Variants in FAM219A observed in about 807,000 individuals in gnomAD.
The protein encoded by FAM219A is family with sequence similarity 219 member A, also known as protein FAM219A.
FAM219A carries 7 observed loss-of-function variants against 23.4 expected under a neutral mutation model. The observed-to-expected ratio is 0.30, with a 90% CI of 0.17 to 0.56. The LOEUF (loss-of-function observed/expected upper bound fraction) is 0.56. FAM219A is among the 20% of genes least tolerant of loss of function. The probability of loss-of-function intolerance (pLI) is 0.92; values close to 1 mark genes in which losing one functional copy is unlikely to be tolerated. For synonymous variants in FAM219A, 93 were observed against 99.0 expected (o/e 0.94, Z 0.36); for missense variants, 166 against 246.9 (o/e 0.67, Z 2.20).
chr9:34,442,468 T>C (rs1823212911), intron 1 of FAM219A, among the ~76,000 whole-genome samples: 2 of 152,174 alleles, frequency 1.3e-5, no homozygotes, highest in Non-Finnish European at 2.9e-5. Flanking sequence ...GTGGATCACC[T>C]GAGGTCAGGG....
chr9:34,421,044 G>GAGAGAGAGAGAGAGAGAC lies in FAM219A; in HGVS notation c.61-15081_61-15080insGTCTCTCTCTCTCTCTCT, dbSNP rs770336544. ...AGAGAGAGAGAGAGAGAGAGAGAGA[G>GAGAGAGAGAGAGAGAGAC]AATGGCTCTGCTGAAACAAATTTTG... On this transcript the variant is annotated intron_variant, in intron 1 of 5. Transcript: ENST00000651358. 2.7e-3 allele frequency among the ~76,000 whole-genome samples: 402 copies of GAGAGAGAGAGAGAGAGAC among 146,814 alleles called. 7 individuals carry two copies. The highest frequency in any genetic ancestry group is 8.6e-3 in the African/African-American group (337 of 38,998).
At chr9:34,401,443 G>A (rs145269097) in intron 5 of FAM219A, among the ~76,000 whole-genome samples, 149 of 152,308 alleles carry the variant, frequency 9.8e-4, no homozygotes, top group African/African-American at 3.4e-3. Context: ...CTATTTAAAT[G>A]GCCTGCTGCA....
intron 1 of FAM219A, among the ~76,000 whole-genome samples, chr9:34,440,868 AT>A (rs913748128): frequency 6.6e-6 from 1 of 151,236 alleles, no homozygotes; most frequent in African/African-American, 2.4e-5. Flanking sequence ...AAAAAAAAAA[AT>A]TTTTAAAGAA....
At chr9:34,406,992 G>A (rs1387777529) in intron 1 of FAM219A, among the ~76,000 whole-genome samples, 3 of 151,854 alleles carry the variant, frequency 2.0e-5, no homozygotes, top group African/African-American at 7.3e-5. Context: ...TAGTAGAGAC[G>A]GGGTTTCACC....
Position 34,458,151 on chromosome 9 carries a change from C to G in FAM219A, c.60+53G>C. On this transcript the variant is annotated intron_variant, in intron 1 of 5. Coordinates refer to ENST00000651358, the MANE Select transcript of FAM219A (RefSeq NM_001184940.2). The surrounding 1 kb of genome is among the most constrained non-coding windows in gnomAD (Gnocchi z 6.6). ...CCCCCCGGCCTGATTCCCTCCCTCC[C>G]CCTCAAGCGACGCCCCCTCCGGCCT... 6.6e-7 allele frequency: 1 copy of G among 1,525,970 alleles called. No homozygotes were observed. Among genetic ancestry groups the G allele is most frequent in the African/African-American group, 1.4e-5 (1 of 72,374 alleles). 94.5% of individuals were successfully genotyped at this position (1,525,970 alleles called of 1,614,324 possible).
At chr9:34,402,300 C>T (rs1563996793) in intron 4 of FAM219A, 87 bp downstream of exon 4, 1 of 1,614,006 alleles carries the variant, frequency 6.2e-7, no homozygotes, top group Non-Finnish European at 8.5e-7. Context: ...CCAATTCTGA[C>T]AATATAGCAG....
chr9:34,444,639 T>C (rs747105500), intron 1 of FAM219A, among the ~76,000 whole-genome samples: 5 of 152,104 alleles, frequency 3.3e-5, no homozygotes, highest in Admixed American at 6.6e-5. Context: ...AGGGAGAAGA[T>C]GGGAAAAGGC....
At chr9:34,431,585 G>C in intron 1 of FAM219A, among the ~76,000 whole-genome samples, 1 of 152,122 alleles carries the variant, frequency 6.6e-6, no homozygotes, top group East Asian at 1.9e-4. Flanking sequence ...CTAAATCCAA[G>C]AGGAGAGAGC....
chr9:34,443,564 A>G (rs556075423), intron 1 of FAM219A, among the ~76,000 whole-genome samples: 63 of 152,220 alleles, frequency 4.1e-4, no homozygotes, highest in Non-Finnish European at 7.9e-4. Context: ...ATCAACCCTT[A>G]GACCAGAAAT....
intron 1 of FAM219A, among the ~76,000 whole-genome samples, chr9:34,439,529 T>C (rs1823083890): frequency 6.6e-6 from 1 of 152,012 alleles, no homozygotes; most frequent in African/African-American, 2.4e-5. Context: ...ATGTGAAAAG[T>C]GCAATAAGGG....
At chr9:34,442,621 G>T (rs1034581514) in intron 1 of FAM219A, among the ~76,000 whole-genome samples, 1 of 151,610 alleles carries the variant, frequency 6.6e-6, no homozygotes, top group African/African-American at 2.4e-5. Context: ...GGAGGCAAAG[G>T]TTGTAGTAGG....
intron 1 of FAM219A, among the ~76,000 whole-genome samples, chr9:34,416,357 T>C (rs1334032005): frequency 6.6e-6 from 1 of 151,056 alleles, no homozygotes; most frequent in East Asian, 2.0e-4. Flanking sequence ...AAAGAAACCC[T>C]AGTGTCTTCA....
intron 2 of FAM219A, 65 bp from the exon 3 acceptor site, chr9:34,402,872 G>T (rs1821501334): frequency 6.8e-7 from 1 of 1,477,364 alleles, no homozygotes; most frequent in Non-Finnish European, 9.3e-7. Flanking sequence ...TACTACTCAG[G>T]GCAGCCTGGG....
chr9:34,419,571 G>A (rs540947419), intron 1 of FAM219A, among the ~76,000 whole-genome samples: 2 of 152,262 alleles, frequency 1.3e-5, no homozygotes, highest in South Asian at 2.1e-4. Context: ...AAGACATGTG[G>A]TTGGAGACTC....
chr9:34,421,788 G>A (rs1451050220), intron 1 of FAM219A, among the ~76,000 whole-genome samples: 1 of 151,024 alleles, frequency 6.6e-6, no homozygotes, highest in African/African-American at 2.4e-5. Flanking sequence ...ACCCATCTGT[G>A]CCCCTAGGAC....
Position 34,457,415 on chromosome 9 carries a change from G to C in FAM219A, c.60+789C>G, listed in dbSNP as rs1349257527. The C allele has an allele frequency of 6.5e-6, 1 of 153,000 alleles. No homozygotes were observed. Among genetic ancestry groups the C allele is most frequent in the Admixed American group, 6.5e-5 (1 of 15,290 alleles). 9.5% of individuals were successfully genotyped at this position (153,000 alleles called of 1,614,324 possible). On this transcript the variant is annotated intron_variant, in intron 1 of 5. Coordinates refer to ENST00000651358, the MANE Select transcript of FAM219A (RefSeq NM_001184940.2). The surrounding 1 kb of genome is among the most constrained non-coding windows in gnomAD (Gnocchi z 5.1). ...GATGACATCATTCCTCCCTGACTCC[G>C]GGACCGCGGACAGGCGGCAGGATCC...
chr9:34,412,131 C>T (rs1273550547), intron 1 of FAM219A, among the ~76,000 whole-genome samples: 1 of 151,992 alleles, frequency 6.6e-6, no homozygotes, highest in Non-Finnish European at 1.5e-5. Flanking sequence ...TGGAAAAGGA[C>T]CCTCCGATAG....
chr9:34,407,275 A>G (rs1375206970), intron 1 of FAM219A, among the ~76,000 whole-genome samples: 1 of 152,140 alleles, frequency 6.6e-6, no homozygotes, highest in Non-Finnish European at 1.5e-5. Context: ...CCCTTTAATA[A>G]GAGTAGATTC....
rs773312552 is a variant in FAM219A, at chr9:34,458,189, C to A, written c.60+15G>T. 115 of 1,581,662 alleles carry A rather than the reference C, an allele frequency of 7.3e-5. No individual in the cohort carries two copies. The highest frequency in any genetic ancestry group is 9.3e-5 in the Non-Finnish European group (109 of 1,169,718). ...CCCCCTCCGGCCTTGGCCTGCCCGC[C>A]GCCCGCCCCCTCACCAGCGGCTGCA... On this transcript the variant is annotated intron_variant, in intron 1 of 5. Transcript: ENST00000651358. This position sits in a 1 kb window ranked among gnomAD's most constrained non-coding sequence, Gnocchi z 6.6.
Sources: allele counts gnomAD v4.1 joint callset (sites outside exome capture counted in the v4.1 genomes callset), GRCh38; gene constraint gnomAD v4.1.1; non-coding constraint Gnocchi (gnomAD v3.1); transcripts MANE v1.5; gene names NCBI Gene and HGNC (gene_info 2026-07-23, HGNC 2026-07-21).